Variants in TDRD1 observed in about 807,000 individuals in gnomAD.
TDRD1 encodes the protein tudor domain containing 1.
A neutral mutation model predicts 140.6 loss-of-function variants in TDRD1; 37 were observed. The ratio of observed to expected loss-of-function variants is 0.26; its 90% CI spans 0.20 to 0.35. The LOEUF is 0.35. TDRD1 is among the 10% of genes least tolerant of loss of function. TDRD1 has a pLI of 1.00. For synonymous variants in TDRD1, 506 were observed against 475.7 expected (o/e 1.06, Z -0.83); for missense variants, 1,243 against 1,393.0 (o/e 0.89, Z 1.71).
chr10:114,206,576 G>A (rs1275503492), intron 11 of TDRD1, among the ~76,000 whole-genome samples: 3 of 148,600 alleles, frequency 2.0e-5, no homozygotes, highest in African/African-American at 7.4e-5. Flanking sequence ...AGATTATGAA[G>A]TATTAAATAT....
chr10:114,226,068 T>C (rs769303721), exon 22 of TDRD1: 2 of 1,613,988 alleles, frequency 1.2e-6, no homozygotes, highest in African/African-American at 2.7e-5. Flanking sequence ...TTTGGTATCG[T>C]GCAGTTGTTC....
chr10:114,188,304 G>C, intron 2 of TDRD1, 148 bp downstream of exon 2: 1 of 726,836 alleles, frequency 1.4e-6, no homozygotes, highest in Admixed American at 3.5e-5. Flanking sequence ...TAATTTAGAA[G>C]GAAAAACCAG....
intron 14 of TDRD1, 86 bp downstream of exon 14, chr10:114,212,122 CT>C (rs1334715531): frequency 8.2e-7 from 1 of 1,226,424 alleles, no homozygotes; most frequent in Non-Finnish European, 1.1e-6. Context: ...GGAAAAGCTG[CT>C]TCTCAAAACA....
exon 23 of TDRD1, chr10:114,227,218 A>G (rs1313757587): frequency 6.2e-7 from 1 of 1,614,190 alleles, no homozygotes; most frequent in East Asian, 2.2e-5. Flanking sequence ...TGAGAATGGG[A>G]CTGTCGATGT....
At chr10:114,231,334 T>A in intron 25 of TDRD1, 4 of 669,736 alleles carry the variant, frequency 6.0e-6, no homozygotes, top group Non-Finnish European at 1.0e-5. Flanking sequence ...TATGTTATGG[T>A]GGTCATTAAT....
At chr10:114,186,256 C>T (rs1028276060) in intron 1 of TDRD1, among the ~76,000 whole-genome samples, 1 of 145,906 alleles carries the variant, frequency 6.9e-6, no homozygotes, top group African/African-American at 2.6e-5. Flanking sequence ...CACCTGATTC[C>T]CCTGGAGTTT....
intron 3 of TDRD1, among the ~76,000 whole-genome samples, chr10:114,196,050 A>G (rs1179953078): frequency 6.6e-6 from 1 of 152,220 alleles, no homozygotes; most frequent in East Asian, 1.9e-4. Context: ...ATTCTATCTC[A>G]GATTTAGAAC....
At chr10:114,187,970 C>T in exon 2 of TDRD1, 1 of 1,614,174 alleles carries the variant, frequency 6.2e-7, no homozygotes, top group Non-Finnish European at 8.5e-7. Flanking sequence ...TCCTGGAACA[C>T]TTCCTAACCA....
exon 21 of TDRD1, chr10:114,222,627 A>G (rs746481945): frequency 1.7e-5 from 28 of 1,612,978 alleles, no homozygotes; most frequent in Non-Finnish European, 2.2e-5. Context: ...CTGAATTATT[A>G]GAATACTGCA....
rs558118725 is a variant in TDRD1 at position 114,183,256 on chromosome 10, A to C, written c.-7+3840A>C. 6.6e-5 allele frequency among the ~76,000 whole-genome samples: 10 copies of C among 152,310 alleles called. No individual in the cohort carries two copies. In the South Asian group the frequency reaches 2.1e-3, roughly 32 times the overall value. On this transcript the variant is annotated intron_variant, in intron 1 of 25. Transcript: ENST00000251864. ...TGTAACACACAGCAGCATACTGAGGATCCAACTCAGTGTCTTAAGAAGATG... is the reference window on the plus strand; with the variant it reads ...TGTAACACACAGCAGCATACTGAGGCTCCAACTCAGTGTCTTAAGAAGATG...
chr10:114,226,610 C>G (rs895765428), intron 22 of TDRD1, among the ~76,000 whole-genome samples: 18 of 152,158 alleles, frequency 1.2e-4, no homozygotes, highest in Non-Finnish European at 2.2e-4. Flanking sequence ...CACATGACAC[C>G]ATTTTTGGCT....
At chr10:114,193,256 A>G (rs1589666502) in intron 3 of TDRD1, among the ~76,000 whole-genome samples, 1 of 113,678 alleles carries the variant, frequency 8.8e-6, no homozygotes, top group East Asian at 2.6e-4. Flanking sequence ...TGGTTTTTGT[A>G]TGTTTATCTT....
At chr10:114,206,703 T>C (rs1341286590) in intron 11 of TDRD1, among the ~76,000 whole-genome samples, 2 of 147,184 alleles carry the variant, frequency 1.4e-5, no homozygotes, top group African/African-American at 5.0e-5. Context: ...AACCTCTGCC[T>C]CCCTGGTTCA....
chr10:114,189,309 T>C (rs1405864534), intron 2 of TDRD1, among the ~76,000 whole-genome samples: 1 of 152,220 alleles, frequency 6.6e-6, no homozygotes, highest in Admixed American at 6.5e-5. Context: ...GAAAACCATG[T>C]GTGCAATTGA....
At chr10:114,201,588 T>C in intron 5 of TDRD1, 73 bp downstream of exon 5, 1 of 1,255,560 alleles carries the variant, frequency 8.0e-7, no homozygotes, top group Non-Finnish European at 1.1e-6. Context: ...TCCAATTAGT[T>C]AAGCAGACCA....
At chr10:114,175,555 T>C (rs1212500709), upstream of TDRD1, among the ~76,000 whole-genome samples, 3 of 152,188 alleles carry the variant, frequency 2.0e-5, no homozygotes, top group Non-Finnish European at 4.4e-5. Context: ...ATTCCCCAGA[T>C]TGTGATCTCT....
In TDRD1 at chr10:114,222,710, T is replaced by C; in HGVS notation, c.3007+7T>C. On this transcript the variant is annotated splice_region_variant and intron_variant, in intron 21 of 25. Coordinates refer to ENST00000251864, the Ensembl canonical transcript of TDRD1. ...TGCTGTGCCAAATACACAAGTAAGG[T>C]TCTTTTAGGGAAAATATTTGAGGGA... 3.4e-6 allele frequency: 5 copies of C among 1,490,566 alleles called. No homozygotes were observed. The highest frequency in any genetic ancestry group is 4.7e-6 in the Non-Finnish European group (5 of 1,073,808). The allele number at this position is 1,490,566 out of a possible 1,614,324, so 92.3% of individuals were successfully genotyped here. A position where few individuals can be genotyped will look rare whatever the true frequency, so the allele number is the denominator to read the frequency against.
At chr10:114,194,666 T>G (rs992009196) in intron 3 of TDRD1, among the ~76,000 whole-genome samples, 3 of 151,936 alleles carry the variant, frequency 2.0e-5, no homozygotes, top group Non-Finnish European at 4.4e-5. Flanking sequence ...ATTTCTTCTT[T>G]TATCTTTATT....
chr10:114,227,184 T>C, exon 23 of TDRD1: 1 of 1,613,430 alleles, frequency 6.2e-7, no homozygotes, highest in Non-Finnish European at 8.5e-7. Flanking sequence ...AGAATGTCCA[T>C]ACAGTGTCAG....
Sources: allele counts gnomAD v4.1 joint callset (sites outside exome capture counted in the v4.1 genomes callset), GRCh38; gene constraint gnomAD v4.1.1; transcripts MANE v1.5; gene names NCBI Gene and HGNC (gene_info 2026-07-23, HGNC 2026-07-21).